Variants in PRSS3 observed in about 807,000 individuals in gnomAD.
PRSS3 encodes serine protease 3.
In PRSS3, 14 loss-of-function variants were observed where a neutral mutation model predicts 20.8. The observed-to-expected ratio is 0.67, with a 90% confidence interval of 0.44 to 1.05. The LOEUF is 1.05. PRSS3 is among the 50% of genes least tolerant of loss of function. PRSS3 has a pLI of 0.00. For missense variants in PRSS3, 237 were observed against 306.4 expected, an observed-to-expected ratio of 0.77 and a Z score of 1.69; for synonymous variants, 91 against 117.6, an observed-to-expected ratio of 0.77 and a Z score of 1.46.
chr9:33,788,413 C>T (rs10117234), intron 1 of PRSS3, among the ~76,000 whole-genome samples: 8,745 of 152,200 alleles, frequency 0.057, 859 homozygotes, highest in African/African-American at 0.2. Flanking sequence ...TTTGGTTGTG[C>T]CCAGAGCATT....
intron 1 of PRSS3, among the ~76,000 whole-genome samples, chr9:33,752,926 T>G (rs1822760708): frequency 1.3e-5 from 2 of 152,236 alleles, no homozygotes; most frequent in South Asian, 4.1e-4. Context: ...ATCTTGCTGG[T>G]TGTTGAAATC....
chr9:33,766,754 G>A (rs1823451535), intron 1 of PRSS3, among the ~76,000 whole-genome samples: 1 of 151,990 alleles, frequency 6.6e-6, no homozygotes, highest in Admixed American at 6.6e-5. Flanking sequence ...TGATTGCCAG[G>A]GGCTGGGGGT....
chr9:33,773,392 T>G (rs556581034), intron 1 of PRSS3, among the ~76,000 whole-genome samples: 3 of 152,174 alleles, frequency 2.0e-5, no homozygotes, highest in South Asian at 2.1e-4. Flanking sequence ...AATAGGGAGA[T>G]TCTAGAAATG....
chr9:33,765,474 C>T (rs1823374193), intron 1 of PRSS3, among the ~76,000 whole-genome samples: 1 of 152,150 alleles, frequency 6.6e-6, no homozygotes, highest in Admixed American at 6.5e-5. Context: ...AAACAAAACA[C>T]TTGACAACTT....
At chr9:33,755,894 G>C (rs1240360458) in intron 1 of PRSS3, among the ~76,000 whole-genome samples, 2 of 152,138 alleles carry the variant, frequency 1.3e-5, no homozygotes, top group Admixed American at 1.3e-4. Context: ...ACAGAGTCTA[G>C]AACCTCCACG....
chr9:33,795,821 T>C (rs1323832541), intron 1 of PRSS3, among the ~76,000 whole-genome samples: 2,720 of 94,048 alleles, frequency 0.029, no homozygotes, highest in African/African-American at 0.064. Flanking sequence ...CTGTCATTCA[T>C]CCATATCCGA....
intron 1 of PRSS3, among the ~76,000 whole-genome samples, chr9:33,771,779 T>TTTTTC (rs563051441): frequency 7.9e-5 from 12 of 151,560 alleles, no homozygotes; most frequent in African/African-American, 2.7e-4. Flanking sequence ...CAGCTAATTT[T>TTTTTC]TTTTCTTTTC....
intron 1 of PRSS3, among the ~76,000 whole-genome samples, chr9:33,787,774 C>G (rs1824472242): frequency 2.0e-5 from 3 of 152,226 alleles, no homozygotes; most frequent in Non-Finnish European, 4.4e-5. Context: ...AACAGGTTCA[C>G]TGTGCCCTGA....
chr9:33,767,361 T>C (rs1823480964), intron 1 of PRSS3, among the ~76,000 whole-genome samples: 1 of 152,178 alleles, frequency 6.6e-6, no homozygotes, highest in African/African-American at 2.4e-5. Context: ...AAATAACATA[T>C]GGCATTATGG....
At position 33,761,435 on chromosome 9, in the gene PRSS3, A is replaced by G. The variant is rs146917102; in HGVS notation, c.-53+10708A>G. Reference sequence around the variant, plus strand: ...AACATACGGTATTATGGCCAGGTGCAGTGGCTTACACCTGTAATCCCAGCA... The same window carrying G: ...AACATACGGTATTATGGCCAGGTGCGGTGGCTTACACCTGTAATCCCAGCA... On this transcript the variant is annotated intron_variant, in intron 1 of 5. Coordinates refer to the PRSS3 transcript ENST00000342836. 3.5e-3 allele frequency among the ~76,000 whole-genome samples: 533 copies of G among 152,264 alleles called. 8 individuals are homozygous for G. The highest frequency in any genetic ancestry group is 0.026 in the Admixed American group (405 of 15,288).
intron 1 of PRSS3, among the ~76,000 whole-genome samples, chr9:33,769,809 G>C (rs1823603038): frequency 6.6e-6 from 1 of 152,230 alleles, no homozygotes; most frequent in African/African-American, 2.4e-5. Context: ...GATGGCCCTG[G>C]AAGGCAGGGC....
At chr9:33,783,680 A>T (rs1824267757) in intron 1 of PRSS3, among the ~76,000 whole-genome samples, 1 of 152,186 alleles carries the variant, frequency 6.6e-6, no homozygotes, top group Non-Finnish European at 1.5e-5. Context: ...CTAATTAAAG[A>T]AGTGAAGTAC....
intron 1 of PRSS3, among the ~76,000 whole-genome samples, chr9:33,766,206 A>C (rs1823405711): frequency 7.3e-6 from 1 of 137,552 alleles, no homozygotes; most frequent in Non-Finnish European, 1.5e-5. Context: ...TAGAGGTTGC[A>C]GTGAGCCGAG....
chr9:33,752,568 G>A (rs1278390327), intron 1 of PRSS3, among the ~76,000 whole-genome samples: 1 of 152,148 alleles, frequency 6.6e-6, no homozygotes, highest in Admixed American at 6.5e-5. Flanking sequence ...ATTATTCCCA[G>A]TATGAGACCA....
intron 1 of PRSS3, among the ~76,000 whole-genome samples, chr9:33,778,901 G>A (rs1344334420): frequency 6.6e-6 from 1 of 152,186 alleles, no homozygotes; most frequent in East Asian, 1.9e-4. Context: ...CACAAGCTGG[G>A]TGTTAGCCTA....
At chr9:33,771,922 A>G (rs1425443863) in intron 1 of PRSS3, among the ~76,000 whole-genome samples, 1 of 133,752 alleles carries the variant, frequency 7.5e-6, no homozygotes, top group Non-Finnish European at 1.5e-5. Flanking sequence ...CCCAGGCTAT[A>G]GTGCAGTGGC....
rs1284309646 is a variant in PRSS3, at chr9:33,783,687, G to A, written c.-52-11059G>A. On this transcript the variant is annotated intron_variant, in intron 1 of 5. Coordinates refer to the PRSS3 transcript ENST00000342836. ...CCACATTGCTAATTAAAGAAGTGAA[G>A]TACAGGAAGGTTTGGGCTGTGTGTT... is the stretch of plus-strand genomic sequence containing the variant. Among the ~76,000 whole-genome samples, 5 of 152,244 alleles carry A rather than the reference G, an allele frequency of 3.3e-5. No individual in the cohort carries two copies. The East Asian group carries it at 7.7e-4, about 23-fold the overall frequency.
intron 1 of PRSS3, among the ~76,000 whole-genome samples, chr9:33,752,660 T>A (rs1444114011): frequency 6.6e-6 from 1 of 152,218 alleles, no homozygotes; most frequent in South Asian, 2.1e-4. Context: ...TCTACCCTTT[T>A]AACCAGCCAG....
At chr9:33,774,140 CA>C (rs1823821236) in intron 1 of PRSS3, among the ~76,000 whole-genome samples, 2 of 152,056 alleles carry the variant, frequency 1.3e-5, no homozygotes, top group Non-Finnish European at 2.9e-5. Flanking sequence ...ATGGGTTATC[CA>C]AATTATTTAG....
Sources: allele counts gnomAD v4.1 joint callset (sites outside exome capture counted in the v4.1 genomes callset), GRCh38; gene constraint gnomAD v4.1.1; transcripts MANE v1.5; gene names NCBI Gene and HGNC (gene_info 2026-07-23, HGNC 2026-07-21).